The following FUT8 variants were observed in gnomAD, a reference collection of about 807,000 sequenced individuals.
FUT8 encodes fucosyltransferase 8, also known as alpha-(1,6)-fucosyltransferase.
In FUT8, 29 loss-of-function variants were observed where a neutral mutation model predicts 71.3. That is an observed-to-expected ratio of 0.41 (90% confidence interval 0.30 to 0.55). FUT8 has a LOEUF of 0.55. Ranked by LOEUF, FUT8 falls within the 20% of genes least tolerant of loss-of-function variation. FUT8 has a pLI of 0.34. For synonymous variants in FUT8, 254 were observed against 239.3 expected (o/e 1.06, Z -0.57); for missense variants, 544 against 702.1 (o/e 0.77, Z 2.55).
intron 6 of FUT8, among the ~76,000 whole-genome samples, chr14:65,634,326 G>A (rs1265409898): frequency 2.0e-5 from 3 of 151,966 alleles, no homozygotes; most frequent in Non-Finnish European, 4.4e-5. Flanking sequence ...GATTAAGGGC[G>A]GTGCAAGATG....
chr14:65,713,656 C>T (rs1271736662), intron 7 of FUT8, among the ~76,000 whole-genome samples: 3 of 152,150 alleles, frequency 2.0e-5, no homozygotes, highest in African/African-American at 7.2e-5. Flanking sequence ...TCTTCATATA[C>T]CTGTTTCCCA....
chr14:65,701,472 C>T (rs1894291776), intron 7 of FUT8, among the ~76,000 whole-genome samples: 1 of 152,162 alleles, frequency 6.6e-6, no homozygotes, highest in Non-Finnish European at 1.5e-5. Flanking sequence ...CGTAATTTTA[C>T]ATAATTATTA....
In FUT8 at chr14:65,640,874, T is replaced by C. The variant is rs866531928; in HGVS notation, c.597+11268T>C. Among the ~76,000 whole-genome samples, 7 of 152,260 alleles carry C rather than the reference T, an allele frequency of 4.6e-5. No homozygotes were observed. In the South Asian group the frequency reaches 1.2e-3, roughly 27 times the overall value. Reference sequence around the variant, plus strand: ...TTAAAAACCTAACTTGAATTGACTATAGAAAGGCATTTAAAACAAAAGAAA... The same window carrying C: ...TTAAAAACCTAACTTGAATTGACTACAGAAAGGCATTTAAAACAAAAGAAA... On this transcript the variant is annotated intron_variant, in intron 6 of 10. Transcript: ENST00000673929.
intron 2 of FUT8, among the ~76,000 whole-genome samples, chr14:65,523,577 A>G (rs1375019084): frequency 1.3e-5 from 2 of 152,168 alleles, no homozygotes; most frequent in African/African-American, 2.4e-5. Flanking sequence ...TCTTTAGCTT[A>G]ATTAGATCCC....
chr14:65,518,167 A>G (rs1468968361), intron 2 of FUT8, among the ~76,000 whole-genome samples: 1 of 152,242 alleles, frequency 6.6e-6, no homozygotes, highest in Non-Finnish European at 1.5e-5. Flanking sequence ...CTGGAATACT[A>G]GCATGAGAGT....
Position 65,499,067 on chromosome 14 carries a change from A to G in FUT8, c.-228+43349A>G, listed in dbSNP as rs769519950. Reference sequence around the variant, plus strand: ...CAGTTACTTCCCAAATATAAATAACAGTGGTTATTACCAAAAATTTTTCTT... The same window carrying G: ...CAGTTACTTCCCAAATATAAATAACGGTGGTTATTACCAAAAATTTTTCTT... On this transcript the variant is annotated intron_variant, in intron 2 of 10. Coordinates refer to ENST00000673929, the MANE Select transcript of FUT8 (RefSeq NM_001371533.1). Among the ~76,000 whole-genome samples the G allele has an allele frequency of 1.4e-4, 21 of 152,132 alleles. 1 individual carries two copies. Among genetic ancestry groups the G allele is most frequent in the Admixed American group, 3.9e-4 (6 of 15,268 alleles).
intron 6 of FUT8, among the ~76,000 whole-genome samples, chr14:65,659,039 G>C (rs1891830959): frequency 6.6e-6 from 1 of 152,018 alleles, no homozygotes; most frequent in Non-Finnish European, 1.5e-5. Context: ...TATTTTGGCA[G>C]TTTATTATGG....
Position 65,722,022 on chromosome 14 carries a change from G to T in FUT8, c.1082+1G>T. The T allele has an allele frequency of 1.2e-6, 2 of 1,613,430 alleles. No individual in the cohort carries two copies. The highest frequency in any genetic ancestry group is 2.2e-5 in the East Asian group (1 of 44,888). On this transcript the variant is annotated splice_donor_variant, in intron 8 of 10. Coordinates refer to ENST00000673929, the MANE Select transcript of FUT8 (RefSeq NM_001371533.1). LOFTEE classifies it high-confidence loss of function. Reference sequence around the variant, plus strand: ...TTGGCTTCAAACATCCAGTTATTGGGTAAGAATCTGATTTTTTCCCTCAAA... The same window carrying T: ...TTGGCTTCAAACATCCAGTTATTGGTTAAGAATCTGATTTTTTCCCTCAAA...
chr14:65,636,880 G>T (rs923417765), intron 6 of FUT8, among the ~76,000 whole-genome samples: 12 of 152,152 alleles, frequency 7.9e-5, no homozygotes, highest in African/African-American at 2.9e-4. Context: ...AGGCAGTATG[G>T]CATGGTTTAC....
intron 5 of FUT8, among the ~76,000 whole-genome samples, chr14:65,618,302 A>AAT (rs1356475810): frequency 6.6e-6 from 1 of 151,960 alleles, no homozygotes; most frequent in African/African-American, 2.4e-5. Context: ...ATGAAAAGTG[A>AAT]ATATAAGAAA....
At position 65,603,629 on chromosome 14, in the gene FUT8, C is replaced by A. The variant is rs557702434; in HGVS notation, c.204-12349C>A. On this transcript the variant is annotated intron_variant, in intron 3 of 10. Coordinates refer to ENST00000673929, the MANE Select transcript of FUT8 (RefSeq NM_001371533.1). The surrounding 1 kb of genome is among the most constrained non-coding windows in gnomAD (Gnocchi z 4.5). ...AATTGAGCTTCTTTGGATCTTCTCTCTTCTTTTCTTGGTTAATCTTGCTAA... is the reference window on the plus strand; with the variant it reads ...AATTGAGCTTCTTTGGATCTTCTCTATTCTTTTCTTGGTTAATCTTGCTAA... Among the ~76,000 whole-genome samples the A allele has an allele frequency of 1.3e-5, 2 of 151,746 alleles. No individual in the cohort carries two copies.
chr14:65,378,843 T>G, the FUT8 span, among the ~76,000 whole-genome samples: 4 of 132,230 alleles, frequency 3.0e-5, no homozygotes, highest in South Asian at 2.9e-4. Flanking sequence ...GAAGGTTTTT[T>G]TTTTTTTTTT....
intron 2 of FUT8, among the ~76,000 whole-genome samples, chr14:65,507,049 T>C (rs2066747432): frequency 6.6e-6 from 1 of 152,174 alleles, no homozygotes; most frequent in Admixed American, 6.5e-5. Context: ...TGCGGTAAGA[T>C]TAATTAACAA....
intron 1 of FUT8, among the ~76,000 whole-genome samples, chr14:65,430,514 G>A (rs146771204): frequency 1.3e-5 from 2 of 152,040 alleles, no homozygotes; most frequent in East Asian, 3.9e-4. Context: ...TTTTCCTGGG[G>A]AATTTTTATT....
At chr14:65,499,995 A>C (rs917434805) in intron 2 of FUT8, among the ~76,000 whole-genome samples, 1 of 152,202 alleles carries the variant, frequency 6.6e-6, no homozygotes, top group African/African-American at 2.4e-5. Flanking sequence ...GTTTGGTCTC[A>C]CATACACACT....
At chr14:65,583,375 TTTG>T (rs1228860001) in intron 3 of FUT8, among the ~76,000 whole-genome samples, 1 of 152,156 alleles carries the variant, frequency 6.6e-6, no homozygotes, top group Non-Finnish European at 1.5e-5. Context: ...CATTTGACTT[TTTG>T]TTGTTGTTGT....
intron 2 of FUT8, chr14:65,488,680 C>T (rs1785558082): frequency 6.6e-6 from 1 of 152,102 alleles, no homozygotes; most frequent in African/African-American, 2.4e-5. Flanking sequence ...GCTAGTTTGC[C>T]TCTTGCTTTG....
chr14:65,614,659 T>G (rs1362294297), intron 3 of FUT8, among the ~76,000 whole-genome samples: 1 of 152,210 alleles, frequency 6.6e-6, no homozygotes, highest in African/African-American at 2.4e-5. Flanking sequence ...TTCTTCCATC[T>G]TCAAAGCTAA....
rs1238188705 is a variant in FUT8 at position 65,558,827 on chromosome 14, C to CA, written c.-227-2502dup. ...GGGATTTAAAAAATACTGGCAAAGA[C>CA]AAAAAAAATCATGGGAAACATTCTC... On this transcript the variant is annotated intron_variant, in intron 2 of 10. Transcript: ENST00000673929. 3.3e-5 allele frequency among the ~76,000 whole-genome samples: 5 copies of CA among 151,550 alleles called. No individual in the cohort carries two copies. In the South Asian group the frequency reaches 6.2e-4, roughly 19 times the overall value.
Sources: allele counts gnomAD v4.1 joint callset (sites outside exome capture counted in the v4.1 genomes callset), GRCh38; gene constraint gnomAD v4.1.1; non-coding constraint Gnocchi (gnomAD v3.1); transcripts MANE v1.5; gene names NCBI Gene and HGNC (gene_info 2026-07-23, HGNC 2026-07-21).